CYGB: variants seen among roughly 807,000 people sequenced by gnomAD.
CYGB encodes histoglobin.
CYGB carries 13 observed loss-of-function variants against 20.7 expected under a neutral mutation model. That is an observed-to-expected ratio of 0.63 (90% CI 0.41 to 1.00). CYGB has a LOEUF of 1.00. Among genes scored for constraint, CYGB ranks in the 50% least tolerant of loss-of-function variants. CYGB has a pLI of 0.00. For missense variants in CYGB, 218 were observed against 257.2 expected, an observed-to-expected ratio of 0.85 and a Z score of 1.04; for synonymous variants, 93 against 107.4, an observed-to-expected ratio of 0.87 and a Z score of 0.83.
rs1598204959 is a variant in CYGB, at chr17:76,533,694, G to A, written c.144-2003C>T. The stretch of plus-strand genomic sequence containing the variant: ...GCCAAGATTGTGCCATTGCACTCCA[G>A]CCTGGGTGACAGAGTGAGACCCTGA... On this transcript the variant is annotated intron_variant, in intron 1 of 3. Transcript: ENST00000293230. The surrounding 1 kb of genome is among the most constrained non-coding windows in gnomAD (Gnocchi z 4.5). Among the ~76,000 whole-genome samples the A allele has an allele frequency of 6.6e-6, 1 of 152,180 alleles. No individual in the cohort carries two copies. Among genetic ancestry groups the A allele is most frequent in the African/African-American group, 2.4e-5 (1 of 41,508 alleles).
chr17:76,537,377 C>CGGCCG, intron 1 of CYGB, 23 bp downstream of exon 1: 1 of 1,574,052 alleles, frequency 6.4e-7, no homozygotes, highest in Non-Finnish European at 8.6e-7. Flanking sequence ...GCCCAGGGCC[C>CGGCCG]GGCCGGGCCG....
chr17:76,544,694 C>A (rs1022738846), intron 1 of CYGB: 1 of 456,664 alleles, frequency 2.2e-6, no homozygotes, highest in African/African-American at 2.0e-5. Context: ...AGGCTGAGGG[C>A]CAGAGGGCAC....
rs745814897 is a variant in CYGB at position 76,544,293 on chromosome 17, C to T, written c.-53+6569G>A. 8.8e-5 allele frequency: 40 copies of T among 454,496 alleles called. No individual in the cohort carries two copies. The highest frequency in any genetic ancestry group is 6.0e-4 in the South Asian group (39 of 64,480). The allele number at this position is 454,496 out of a possible 1,614,324, so 28.2% of individuals were successfully genotyped here. On this transcript the variant is annotated intron_variant, in intron 1 of 3. Coordinates refer to the CYGB transcript ENST00000589145. ...CTGGCTGGCCCGTGCCCTTGACTTC[C>T]AGGCAGTAGAAGATGGAGTTCTCTA... is the stretch of plus-strand genomic sequence containing the variant.
rs4648336 is a variant in CYGB at position 76,530,556 on chromosome 17, C to T, written c.539+423G>A. ...GCAGAGGGCATTTAGCAGCACTGGT[C>T]GGCATGAGATGAAAAAACAGCCCCT... On this transcript the variant is annotated intron_variant, in intron 3 of 3. Transcript: ENST00000293230. The surrounding 1 kb of genome is among the most constrained non-coding windows in gnomAD (Gnocchi z 6.1). Among the ~76,000 whole-genome samples, 19,899 of 152,026 alleles carry T rather than the reference C, an allele frequency of 0.13. 1,332 individuals carry two copies. Among genetic ancestry groups the T allele is most frequent in the African/African-American group, 0.16 (6,755 of 41,436 alleles).
upstream of CYGB, chr17:76,538,644 G>A (rs2074951255): frequency 2.8e-6 from 1 of 351,140 alleles, no homozygotes; most frequent in Non-Finnish European, 5.9e-6. Context: ...CATCTCAGCC[G>A]CCACCAAGGG....
intron 1 of CYGB, among the ~76,000 whole-genome samples, chr17:76,534,116 T>C (rs2074883118): frequency 2.9e-5 from 4 of 138,750 alleles, no homozygotes; most frequent in South Asian, 2.3e-4. Flanking sequence ...TCTTTCTTCT[T>C]TCTTTCTTTC....
intron 1 of CYGB, among the ~76,000 whole-genome samples, chr17:76,535,777 C>G (rs2074907158): frequency 6.6e-6 from 1 of 152,242 alleles, no homozygotes; most frequent in Admixed American, 6.5e-5. Flanking sequence ...TCTGCCCTAC[C>G]CTGGTCCCCT....
Position 76,533,641 on chromosome 17 carries a change from TGAACCC to T in CYGB, c.144-1956_144-1951del, listed in dbSNP as rs2074876082. 6.6e-6 allele frequency among the ~76,000 whole-genome samples: 1 copy of T among 152,046 alleles called. No individual in the cohort carries two copies. Among genetic ancestry groups the T allele is most frequent in the South Asian group, 2.1e-4 (1 of 4,828 alleles). ...AGGGGCCTAAAGTGGGAGGATCACT[TGAACCC>T]GGGAGGCCAAGGCTGCAGGGAGCCA... On this transcript the variant is annotated intron_variant, in intron 1 of 3. Coordinates refer to ENST00000293230, the MANE Select transcript of CYGB (RefSeq NM_134268.5). The surrounding 1 kb of genome is among the most constrained non-coding windows in gnomAD (Gnocchi z 4.5).
At chr17:76,537,238 C>T (rs1269620919) in intron 1 of CYGB, among the ~76,000 whole-genome samples, 162 bp downstream of exon 1, 1 of 152,180 alleles carries the variant, frequency 6.6e-6, no homozygotes, top group Non-Finnish European at 1.5e-5. Context: ...AGGCTTCGTT[C>T]ACCCCAAGGC....
chr17:76,529,966 G>T lies in CYGB; in HGVS notation c.539+1013C>A, dbSNP rs538927922. ...GGCCAGTGTGGTCAGCAGCAGGAAG[G>T]GCAGGAGGCCTGGCGTCCCCAGCTG... On this transcript the variant is annotated intron_variant, in intron 3 of 3. Transcript: ENST00000293230. 2.2e-3 allele frequency: 2,179 copies of T among 985,346 alleles called. 8 individuals are homozygous for T. Among genetic ancestry groups the T allele is most frequent in the Non-Finnish European group, 2.2e-3 (1,812 of 829,884 alleles). The allele number at this position is 985,346 out of a possible 1,614,324, so 61.0% of individuals were successfully genotyped here.
chr17:76,530,637 T>C lies in CYGB; in HGVS notation c.539+342A>G, dbSNP rs530723568. Among the ~76,000 whole-genome samples, 1 of 152,132 alleles carries C rather than the reference T, an allele frequency of 6.6e-6. No homozygotes were observed. Among genetic ancestry groups the C allele is most frequent in the Admixed American group, 6.5e-5 (1 of 15,282 alleles). On this transcript the variant is annotated intron_variant, in intron 3 of 3. Transcript: ENST00000293230. The surrounding 1 kb of genome is among the most constrained non-coding windows in gnomAD (Gnocchi z 6.1). The stretch of plus-strand genomic sequence containing the variant: ...GGCTGACCTGGGCTGCCTCCGAGCC[T>C]GATGATCGGACCTTACCGCCAGGAG...
rs556402580 is a variant in CYGB at position 76,528,170 on chromosome 17, A to G, written c.*408T>C. On this transcript the variant is annotated 3_prime_UTR_variant, in exon 4 of 4. Coordinates refer to ENST00000293230, the MANE Select transcript of CYGB (RefSeq NM_134268.5). The surrounding 1 kb of genome is among the most constrained non-coding windows in gnomAD (Gnocchi z 5.8). The stretch of plus-strand genomic sequence containing the variant: ...TATATATAGCTCGTATATAGAATAT[A>G]TCTGTATATATGGTAGATGTGTGCG... The G allele has an allele frequency of 6.8e-4, 269 of 393,190 alleles. 1 individual carries two copies. The highest frequency in any genetic ancestry group is 5.1e-3 in the African/African-American group (246 of 48,456). The allele number at this position is 393,190 out of a possible 1,614,324, so 24.4% of individuals were successfully genotyped here. A position where few individuals can be genotyped will look rare whatever the true frequency, so the allele number is the denominator to read the frequency against.
rs76768775 is a variant in CYGB at position 76,544,747 on chromosome 17, T to A, written c.-53+6115A>T. On this transcript the variant is annotated intron_variant, in intron 1 of 3. Coordinates refer to the CYGB transcript ENST00000589145. ...CTGTGTTCCCCGATCCTATCTGCAT[T>A]TATTCTCTATTTGCCATGTTCCTGT... 1.9e-3 allele frequency: 877 copies of A among 456,736 alleles called. 8 individuals are homozygous for A. Among genetic ancestry groups the A allele is most frequent in the African/African-American group, 0.016 (810 of 50,176 alleles). 28.3% of individuals were successfully genotyped at this position (456,736 alleles called of 1,614,324 possible). A position where few individuals can be genotyped will look rare whatever the true frequency, so the allele number is the denominator to read the frequency against.
intron 1 of CYGB, chr17:76,545,464 G>C (rs572685169): frequency 3.9e-5 from 17 of 436,448 alleles, no homozygotes; most frequent in African/African-American, 2.8e-4. Flanking sequence ...GGGCTTGGGA[G>C]AGGGCAGATA....
chr17:76,545,833 G>A, intron 1 of CYGB: 1 of 174,596 alleles, frequency 5.7e-6, no homozygotes, highest in South Asian at 1.3e-4. Flanking sequence ...GTAGATTCAG[G>A]ACGGCTAGAG....
chr17:76,541,134 G>C (rs558257647), upstream of CYGB, among the ~76,000 whole-genome samples: 11 of 152,320 alleles, frequency 7.2e-5, no homozygotes, highest in East Asian at 3.9e-4. Flanking sequence ...TGGTCTTTAG[G>C]GGGTGAAGTT....
In CYGB at chr17:76,531,741, C is replaced by T. The variant is rs1357773834; in HGVS notation, c.144-50G>A. On this transcript the variant is annotated intron_variant, in intron 1 of 3. Coordinates refer to ENST00000293230, the MANE Select transcript of CYGB (RefSeq NM_134268.5). This position sits in a 1 kb window ranked among gnomAD's most constrained non-coding sequence, Gnocchi z 7.4. ...GCTGAAGCTGGAGGCTGCCTCGGGC[C>T]CACCCTGAAGCTTCCAGGATAGTGG... The T allele has an allele frequency of 1.3e-6, 2 of 1,501,652 alleles. No homozygotes were observed. The allele number at this position is 1,501,652 out of a possible 1,614,324, so 93.0% of individuals were successfully genotyped here.
At chr17:76,544,064 T>C (rs1168782215) in intron 1 of CYGB, 5 of 454,678 alleles carry the variant, frequency 1.1e-5, no homozygotes, top group Non-Finnish European at 2.2e-5. Flanking sequence ...TGCTCTGCCA[T>C]TTCTCTCTTT....
intron 1 of CYGB, among the ~76,000 whole-genome samples, chr17:76,547,643 TCACACACACA>T (rs56118010): frequency 2.0e-5 from 3 of 149,864 alleles, no homozygotes; most frequent in Admixed American, 6.6e-5. Context: ...ACACACACAT[TCACACACACA>T]CACACACACA....
Sources: gnomAD v4.1 joint callset for allele counts (sites outside exome capture counted in the v4.1 genomes callset) on GRCh38, gnomAD v4.1.1 for gene constraint, Gnocchi (gnomAD v3.1) non-coding constraint, MANE v1.5 for transcripts, NCBI Gene and HGNC (gene_info 2026-07-23, HGNC 2026-07-21) for gene names.